The following GNA14 variants were observed in gnomAD, a reference collection of about 807,000 sequenced individuals.
GNA14 encodes the protein guanine nucleotide-binding protein subunit alpha-14.
A neutral mutation model predicts 42.0 loss-of-function variants in GNA14; 50 were observed. The ratio of observed to expected loss-of-function variants is 1.19; its 90% CI spans 0.95 to 1.51. The LOEUF is 1.51. GNA14 is among the 40% of genes most tolerant of loss of function. The pLI is 0.00. For synonymous variants in GNA14, 173 were observed against 163.1 expected (o/e 1.06, Z -0.46); for missense variants, 473 against 446.2 (o/e 1.06, Z -0.54).
At chr9:77,449,194 G>A (rs1276265747) in intron 2 of GNA14, among the ~76,000 whole-genome samples, 1 of 152,180 alleles carries the variant, frequency 6.6e-6, no homozygotes, top group Non-Finnish European at 1.5e-5. Context: ...GGTAACCCAG[G>A]TACCTAGACC....
At chr9:77,465,416 G>A (rs1483781895) in intron 2 of GNA14, among the ~76,000 whole-genome samples, 1 of 152,002 alleles carries the variant, frequency 6.6e-6, no homozygotes, top group African/African-American at 2.4e-5. Context: ...CTCCTCCTTC[G>A]TTGAGGCCAT....
At chr9:77,536,877 T>C (rs1837605259) in intron 1 of GNA14, among the ~76,000 whole-genome samples, 1 of 152,226 alleles carries the variant, frequency 6.6e-6, no homozygotes, top group Non-Finnish European at 1.5e-5. Context: ...ATTATTTTTC[T>C]AATTTGAGAT....
intron 1 of GNA14, among the ~76,000 whole-genome samples, chr9:77,614,007 T>C (rs192253176): frequency 2.0e-5 from 3 of 152,190 alleles, no homozygotes. Context: ...AAATAGAATG[T>C]ATTAGTCAGA....
chr9:77,464,079 C>T (rs1412180052), intron 2 of GNA14, among the ~76,000 whole-genome samples: 1 of 152,148 alleles, frequency 6.6e-6, no homozygotes, highest in Non-Finnish European at 1.5e-5. Flanking sequence ...CAGGTCACTG[C>T]AACCTCAGCC....
chr9:77,567,730 G>C (rs1483081505), intron 1 of GNA14, among the ~76,000 whole-genome samples: 1 of 152,150 alleles, frequency 6.6e-6, no homozygotes, highest in Non-Finnish European at 1.5e-5. Context: ...AGCCAGGCGT[G>C]GTGGTGCACG....
At chr9:77,449,287 C>T (rs1157925533) in intron 2 of GNA14, among the ~76,000 whole-genome samples, 1 of 152,174 alleles carries the variant, frequency 6.6e-6, no homozygotes, top group Non-Finnish European at 1.5e-5. Flanking sequence ...ATGAAATCAC[C>T]TAACTTTACA....
intron 1 of GNA14, among the ~76,000 whole-genome samples, chr9:77,558,941 C>A (rs12337853): frequency 1.0e-3 from 150 of 147,932 alleles, no homozygotes; most frequent in Non-Finnish European, 1.7e-3. Context: ...AAAAAAAAAA[C>A]AAAAAACAAA....
At chr9:77,607,467 C>A (rs1823659056) in intron 1 of GNA14, among the ~76,000 whole-genome samples, 1 of 152,100 alleles carries the variant, frequency 6.6e-6, no homozygotes, top group Non-Finnish European at 1.5e-5. Flanking sequence ...GGAGGGCATG[C>A]TAGGTCTAAC....
At chr9:77,575,573 G>C (rs1435321033) in intron 1 of GNA14, among the ~76,000 whole-genome samples, 1 of 151,862 alleles carries the variant, frequency 6.6e-6, no homozygotes, top group Non-Finnish European at 1.5e-5. Flanking sequence ...TACTGATATC[G>C]GTCTCCTATT....
At chr9:77,433,579 T>C (rs2131691572) in intron 3 of GNA14, among the ~76,000 whole-genome samples, 1 of 152,098 alleles carries the variant, frequency 6.6e-6, no homozygotes, top group African/African-American at 2.4e-5. Context: ...CCCAGGCTAG[T>C]CTCGAATTCC....
chr9:77,642,823 C>T (rs1218174269), intron 1 of GNA14, among the ~76,000 whole-genome samples: 1 of 152,034 alleles, frequency 6.6e-6, no homozygotes, highest in Non-Finnish European at 1.5e-5. Flanking sequence ...AAATCTGGTC[C>T]CCAAGGGATC....
chr9:77,618,612 ATATATATATTTTTTTTTTTTTT>A (rs1175296505), intron 1 of GNA14, among the ~76,000 whole-genome samples: 50 of 13,434 alleles, frequency 3.7e-3, no homozygotes, highest in Non-Finnish European at 5.0e-3. Context: ...ATATATATAT[ATATATATATTTTTTTTTTTTTT>A]TTTTTTTTTT....
At chr9:77,486,098 G>A (rs1290247460) in intron 2 of GNA14, among the ~76,000 whole-genome samples, 1 of 152,186 alleles carries the variant, frequency 6.6e-6, no homozygotes, top group African/African-American at 2.4e-5. Context: ...TCCAATAGAA[G>A]GCTGTTTCAT....
At chr9:77,472,611 T>C (rs570582055) in intron 2 of GNA14, among the ~76,000 whole-genome samples, 37 of 152,310 alleles carry the variant, frequency 2.4e-4, no homozygotes, top group Admixed American at 7.2e-4. Context: ...GAATCAATTG[T>C]AGTTTTATAC....
At chr9:77,457,924 T>G (rs1836032757) in intron 2 of GNA14, among the ~76,000 whole-genome samples, 1 of 152,156 alleles carries the variant, frequency 6.6e-6, no homozygotes, top group Admixed American at 6.5e-5. Flanking sequence ...CTTTTTCCAC[T>G]CTTTTCAATT....
intron 1 of GNA14, among the ~76,000 whole-genome samples, chr9:77,630,408 A>G (rs1354579734): frequency 2.0e-5 from 3 of 152,138 alleles, no homozygotes; most frequent in Admixed American, 1.3e-4. Context: ...ATGAGCCACC[A>G]TGCCTGGCCA....
chr9:77,431,892 T>C (rs1835561598), intron 3 of GNA14, among the ~76,000 whole-genome samples: 1 of 152,094 alleles, frequency 6.6e-6, no homozygotes, highest in Non-Finnish European at 1.5e-5. Context: ...CTTTGCTCAA[T>C]GAATTAAATA....
At chr9:77,546,756 C>T (rs1837724598) in intron 1 of GNA14, among the ~76,000 whole-genome samples, 1 of 152,196 alleles carries the variant, frequency 6.6e-6, no homozygotes, top group Non-Finnish European at 1.5e-5. Flanking sequence ...CCTAATGATT[C>T]ATGACGAGTA....
intron 2 of GNA14, among the ~76,000 whole-genome samples, chr9:77,467,670 A>T (rs1836260967): frequency 7.2e-6 from 1 of 138,392 alleles, no homozygotes; most frequent in Admixed American, 7.3e-5. Context: ...TTTTTTTTTA[A>T]GACTAGTCAA....
Sources: allele counts gnomAD v4.1 joint callset (sites outside exome capture counted in the v4.1 genomes callset), GRCh38; gene constraint gnomAD v4.1.1; transcripts MANE v1.5; gene names NCBI Gene and HGNC (gene_info 2026-07-23, HGNC 2026-07-21).